The following CDKAL1 variants were observed in gnomAD, a reference collection of about 807,000 sequenced individuals.
CDKAL1 encodes CDKAL1 threonylcarbamoyladenosine tRNA methylthiotransferase, also known as threonylcarbamoyladenosine tRNA methylthiotransferase.
A neutral mutation model predicts 68.2 loss-of-function variants in CDKAL1; 32 were observed. That is an observed-to-expected ratio of 0.47 (90% CI 0.35 to 0.63). The LOEUF (loss-of-function observed/expected upper bound fraction) is 0.63, where lower values mean the gene tolerates loss of function less well. Ranked by LOEUF, CDKAL1 falls within the 30% of genes least tolerant of loss-of-function variation. The pLI is 0.00. For missense variants in CDKAL1, 606 were observed against 696.7 expected, an observed-to-expected ratio of 0.87 and a Z score of 1.47; for synonymous variants, 234 against 244.3, an observed-to-expected ratio of 0.96 and a Z score of 0.39.
chr6:20,899,033 A>G (rs1203676793), intron 9 of CDKAL1, among the ~76,000 whole-genome samples: 2 of 150,614 alleles, frequency 1.3e-5, no homozygotes, highest in Non-Finnish European at 3.0e-5. Flanking sequence ...ATCAAGACAC[A>G]GTTTCCTAGG....
intron 9 of CDKAL1, among the ~76,000 whole-genome samples, chr6:20,954,560 G>A (rs1160589024): frequency 6.6e-6 from 1 of 152,112 alleles, no homozygotes; most frequent in African/African-American, 2.4e-5. Flanking sequence ...AAAATAGGCT[G>A]ATCATTTCAT....
chr6:20,876,738 T>G (rs1760538593), intron 9 of CDKAL1, among the ~76,000 whole-genome samples: 2 of 152,192 alleles, frequency 1.3e-5, no homozygotes, highest in Admixed American at 6.5e-5. Context: ...AACATTTTGT[T>G]TTCTTTCCTC....
At chr6:21,125,570 G>A (rs1321522255) in intron 13 of CDKAL1, among the ~76,000 whole-genome samples, 9 of 152,164 alleles carry the variant, frequency 5.9e-5, no homozygotes, top group African/African-American at 2.2e-4. Context: ...TACTCGGGAG[G>A]CTGAGGCAGG....
intron 4 of CDKAL1, among the ~76,000 whole-genome samples, chr6:20,642,477 G>GAAAAAAAAAAAAA (rs70990055): frequency 8.5e-6 from 1 of 117,850 alleles, no homozygotes; most frequent in Admixed American, 9.0e-5. Context: ...ATGAAAAACA[G>GAAAAAAAAAAAAA]AAAAAAAAAA....
intron 11 of CDKAL1, among the ~76,000 whole-genome samples, chr6:21,004,513 C>G (rs1339031267): frequency 6.6e-6 from 1 of 152,192 alleles, no homozygotes; most frequent in Non-Finnish European, 1.5e-5. Context: ...TTAAATTATT[C>G]TATTCAGATT....
At chr6:20,568,753 A>AAAAAAAAAAAAAAAAC (rs1561931956) in intron 4 of CDKAL1, among the ~76,000 whole-genome samples, 3 of 127,508 alleles carry the variant, frequency 2.4e-5, no homozygotes, top group African/African-American at 3.3e-5. Flanking sequence ...AAAAAAAACA[A>AAAAAAAAAAAAAAAAC]AAAAACAAAA....
At chr6:21,152,430 G>A (rs1402972996) in intron 13 of CDKAL1, among the ~76,000 whole-genome samples, 1 of 152,196 alleles carries the variant, frequency 6.6e-6, no homozygotes. Context: ...GTATACTCTT[G>A]AGTAAGATGA....
intron 4 of CDKAL1, among the ~76,000 whole-genome samples, chr6:20,609,676 A>G (rs2127720907): frequency 6.6e-6 from 1 of 151,966 alleles, no homozygotes; most frequent in East Asian, 1.9e-4. Flanking sequence ...ATTATTATTC[A>G]TCTTAATGTT....
At chr6:20,648,316 G>T (rs931203859) in intron 4 of CDKAL1, among the ~76,000 whole-genome samples, 1 of 151,778 alleles carries the variant, frequency 6.6e-6, no homozygotes, top group Non-Finnish European at 1.5e-5. Context: ...TTTTAGTAGA[G>T]ACCGGGTTTC....
intron 5 of CDKAL1, among the ~76,000 whole-genome samples, chr6:20,650,017 A>G (rs138897428): frequency 2.1e-4 from 32 of 152,310 alleles, no homozygotes; most frequent in African/African-American, 5.8e-4. Context: ...TAGTGCTGCA[A>G]TGAACATATG....
intron 8 of CDKAL1, 26 bp from the exon 9 acceptor site, chr6:20,846,049 C>T: frequency 6.9e-7 from 1 of 1,451,694 alleles, no homozygotes; most frequent in Non-Finnish European, 9.6e-7. Flanking sequence ...AAATTTGAGT[C>T]TTATTTATTG....
At chr6:21,154,217 A>G (rs1259116141) in intron 13 of CDKAL1, among the ~76,000 whole-genome samples, 2 of 152,198 alleles carry the variant, frequency 1.3e-5, no homozygotes, top group African/African-American at 2.4e-5. Flanking sequence ...ATCCATACTC[A>G]TGGAAACACA....
chr6:21,164,712 C>G (rs1311284533), intron 13 of CDKAL1, among the ~76,000 whole-genome samples: 1 of 152,142 alleles, frequency 6.6e-6, no homozygotes, highest in Non-Finnish European at 1.5e-5. Flanking sequence ...TCCCTGACTA[C>G]TTTCTGCTTG....
chr6:20,925,844 G>C (rs559238580), intron 9 of CDKAL1, among the ~76,000 whole-genome samples: 5 of 152,076 alleles, frequency 3.3e-5, no homozygotes, highest in African/African-American at 1.2e-4. Context: ...TATCAATTTT[G>C]TTCCTCTCTT....
chr6:20,658,490 T>C (rs1236776186), intron 5 of CDKAL1, among the ~76,000 whole-genome samples: 8 of 152,240 alleles, frequency 5.3e-5, no homozygotes. Flanking sequence ...CTTTTCACTA[T>C]AGGAAAGCAC....
intron 13 of CDKAL1, among the ~76,000 whole-genome samples, chr6:21,156,075 CAT>C (rs1776625400): frequency 6.6e-6 from 1 of 152,004 alleles, no homozygotes; most frequent in Non-Finnish European, 1.5e-5. Flanking sequence ...TACGAGATAA[CAT>C]GTATGTGATC....
intron 11 of CDKAL1, among the ~76,000 whole-genome samples, chr6:21,004,447 G>A (rs1027379905): frequency 3.9e-5 from 6 of 152,240 alleles, no homozygotes; most frequent in African/African-American, 7.2e-5. Context: ...AAAGAAGAGC[G>A]TCTAAATGAC....
chr6:20,562,077 T>A (rs966347193), intron 4 of CDKAL1, among the ~76,000 whole-genome samples: 3 of 152,232 alleles, frequency 2.0e-5, no homozygotes, highest in African/African-American at 7.2e-5. Context: ...AATTTTGATG[T>A]TCCTTCAAAC....
intron 4 of CDKAL1, among the ~76,000 whole-genome samples, chr6:20,637,207 C>T (rs1238102317): frequency 1.3e-5 from 2 of 152,000 alleles, no homozygotes; most frequent in Non-Finnish European, 1.5e-5. Flanking sequence ...TGTGAGGTGA[C>T]AGAGTATAGC....
Sources: allele counts gnomAD v4.1 joint callset (sites outside exome capture counted in the v4.1 genomes callset), GRCh38; gene constraint gnomAD v4.1.1; transcripts MANE v1.5; gene names NCBI Gene and HGNC (gene_info 2026-07-23, HGNC 2026-07-21).